ADGRB3: variants seen among roughly 807,000 people sequenced by gnomAD.
ADGRB3 encodes the protein brain-specific angiogenesis inhibitor 3.
ADGRB3 carries 37 observed loss-of-function variants against 193.4 expected under a neutral mutation model. The observed-to-expected ratio is 0.19, with a 90% CI of 0.15 to 0.25. The LOEUF is 0.25. Ranked by LOEUF, ADGRB3 falls within the 10% of genes least tolerant of loss-of-function variation. The pLI, the probability that ADGRB3 is intolerant of heterozygous loss-of-function variation, is 1.00. For synonymous variants in ADGRB3, 690 were observed against 644.2 expected, an observed-to-expected ratio of 1.07 and a Z score of -1.08; for missense variants, 1,637 against 1,852.9, an observed-to-expected ratio of 0.88 and a Z score of 2.14.
intron 26 of ADGRB3, among the ~76,000 whole-genome samples, chr6:69,343,617 T>G (rs1051839818): frequency 6.6e-6 from 1 of 152,108 alleles, no homozygotes; most frequent in Non-Finnish European, 1.5e-5. Context: ...AATCTTAATA[T>G]TTAAACTTTA....
chr6:68,892,490 T>C (rs1428282880), intron 3 of ADGRB3, among the ~76,000 whole-genome samples: 2 of 152,200 alleles, frequency 1.3e-5, no homozygotes, highest in Non-Finnish European at 2.9e-5. Flanking sequence ...CTCATTGCTA[T>C]TAGTCTCCAA....
chr6:68,802,030 C>T (rs550346394), intron 3 of ADGRB3, among the ~76,000 whole-genome samples: 1 of 152,288 alleles, frequency 6.6e-6, no homozygotes, highest in Non-Finnish European at 1.5e-5. Flanking sequence ...TTCTAACTCC[C>T]TTATTCTTCA....
chr6:69,229,043 A>G (rs1211103774), intron 17 of ADGRB3, among the ~76,000 whole-genome samples: 1 of 152,192 alleles, frequency 6.6e-6, no homozygotes, highest in African/African-American at 2.4e-5. Context: ...ATTTTAATGT[A>G]CATTCAGTGT....
At chr6:68,900,272 T>G (rs563946575) in intron 3 of ADGRB3, among the ~76,000 whole-genome samples, 1 of 152,318 alleles carries the variant, frequency 6.6e-6, no homozygotes, top group Admixed American at 6.5e-5. Flanking sequence ...TTTTGATCTG[T>G]TACCTTATTT....
intron 6 of ADGRB3, among the ~76,000 whole-genome samples, chr6:68,951,848 C>A (rs1440292487): frequency 6.6e-6 from 1 of 152,092 alleles, no homozygotes; most frequent in Non-Finnish European, 1.5e-5. Flanking sequence ...GTCTCTACTA[C>A]CTCGCTGCTG....
intron 10 of ADGRB3, among the ~76,000 whole-genome samples, chr6:68,988,832 A>T (rs1769152424): frequency 6.6e-6 from 1 of 152,108 alleles, no homozygotes. Context: ...GAAAAACCCT[A>T]TGCATTCTCA....
intron 20 of ADGRB3, among the ~76,000 whole-genome samples, chr6:69,296,159 C>T (rs769186166): frequency 1.3e-5 from 2 of 152,020 alleles, no homozygotes; most frequent in African/African-American, 4.8e-5. Flanking sequence ...ATCATAATAG[C>T]CATATTAACT....
intron 3 of ADGRB3, among the ~76,000 whole-genome samples, chr6:68,825,557 C>T (rs1031862998): frequency 5.9e-5 from 9 of 152,150 alleles, no homozygotes; most frequent in African/African-American, 9.7e-5. Flanking sequence ...GGTTAGGCTT[C>T]GTGTCCCCAC....
At chr6:69,202,816 C>A (rs765897819) in intron 17 of ADGRB3, among the ~76,000 whole-genome samples, 35 of 152,122 alleles carry the variant, frequency 2.3e-4, no homozygotes, top group Non-Finnish European at 4.6e-4. Flanking sequence ...CTGGCTTCAA[C>A]TTCCCTGGTT....
chr6:68,963,545 A>T (rs1441191350), intron 8 of ADGRB3, among the ~76,000 whole-genome samples: 2 of 152,084 alleles, frequency 1.3e-5, no homozygotes, highest in East Asian at 3.9e-4. Flanking sequence ...CTCATTTATG[A>T]TATATATTTT....
intron 20 of ADGRB3, among the ~76,000 whole-genome samples, chr6:69,243,864 A>G (rs1321703626): frequency 1.3e-5 from 2 of 152,034 alleles, no homozygotes; most frequent in African/African-American, 4.8e-5. Flanking sequence ...CATATATAGT[A>G]TCATACTGAA....
At chr6:68,786,090 C>T (rs887692525) in intron 3 of ADGRB3, among the ~76,000 whole-genome samples, 15 of 151,424 alleles carry the variant, frequency 9.9e-5, no homozygotes, top group Non-Finnish European at 1.3e-4. Flanking sequence ...AAATTTTCTC[C>T]GATTCTGTAG....
chr6:69,242,905 TTTG>T (rs988846876), intron 20 of ADGRB3, among the ~76,000 whole-genome samples: 3 of 152,070 alleles, frequency 2.0e-5, no homozygotes, highest in East Asian at 1.9e-4. Flanking sequence ...CATTTGTGTT[TTTG>T]TTGTTGTTGT....
chr6:69,247,617 C>T (rs6908597), intron 20 of ADGRB3, among the ~76,000 whole-genome samples: 21,401 of 152,226 alleles, frequency 0.14, 1,573 homozygotes, highest in Middle Eastern at 0.16. Context: ...ATACATACCT[C>T]TATTGTTAGC....
intron 11 of ADGRB3, among the ~76,000 whole-genome samples, chr6:69,009,611 T>G (rs929332229): frequency 7.2e-5 from 11 of 152,160 alleles, no homozygotes; most frequent in Admixed American, 2.6e-4. Flanking sequence ...AGGTTGGGGA[T>G]CAATGATCTA....
At chr6:68,871,572 A>G (rs1765456574) in intron 3 of ADGRB3, among the ~76,000 whole-genome samples, 1 of 152,204 alleles carries the variant, frequency 6.6e-6, no homozygotes, top group African/African-American at 2.4e-5. Flanking sequence ...AAAGTTTAAC[A>G]TGTGTGTTCC....
rs547745815 is a variant in ADGRB3 at position 69,182,204 on chromosome 6, T to G, written c.2481-51086T>G. 3.9e-5 allele frequency among the ~76,000 whole-genome samples: 6 copies of G among 152,188 alleles called. No homozygotes were observed. The East Asian group carries it at 1.2e-3, about 29-fold the overall frequency. On this transcript the variant is annotated intron_variant, in intron 17 of 31. Transcript: ENST00000370598. ...TTATGAGTGATGCAAAAATCATAAG[T>G]AAACATAAACTATGGCATAGAGAAA...
chr6:68,928,748 T>C (rs1002925802), intron 3 of ADGRB3, among the ~76,000 whole-genome samples: 47 of 152,094 alleles, frequency 3.1e-4, no homozygotes, highest in African/African-American at 1.1e-3. Flanking sequence ...AAAATTACCT[T>C]AGTGTGAGCA....
At chr6:69,293,957 T>C (rs897611669) in intron 20 of ADGRB3, among the ~76,000 whole-genome samples, 6 of 151,382 alleles carry the variant, frequency 4.0e-5, no homozygotes, top group African/African-American at 1.5e-4. Flanking sequence ...TTCCTCCTTT[T>C]CCAGGGGGGA....
Sources: gnomAD v4.1 joint callset for allele counts (sites outside exome capture counted in the v4.1 genomes callset) on GRCh38, gnomAD v4.1.1 for gene constraint, MANE v1.5 for transcripts, NCBI Gene and HGNC (gene_info 2026-07-23, HGNC 2026-07-21) for gene names.